ROBO1: variants seen among roughly 807,000 people sequenced by gnomAD.
ROBO1 encodes the protein roundabout homolog 1.
A neutral mutation model predicts 195.9 loss-of-function variants in ROBO1; 149 were observed. The observed-to-expected ratio is 0.76, with a 90% CI of 0.67 to 0.87. The LOEUF is 0.87. Among genes scored for constraint, ROBO1 ranks in the 40% least tolerant of loss-of-function variants. The pLI is 0.00. For synonymous variants in ROBO1, 816 were observed against 733.2 expected (o/e 1.11, Z -1.82); for missense variants, 1,933 against 2,068.3 (o/e 0.93, Z 1.27).
chr3:78,747,811 T>C (rs1001092547), intron 4 of ROBO1, among the ~76,000 whole-genome samples: 4 of 152,152 alleles, frequency 2.6e-5, no homozygotes, highest in African/African-American at 9.7e-5. Flanking sequence ...ATTCCAAAAA[T>C]AGCTCATACA....
At chr3:79,291,784 C>T (rs1226211261) in intron 2 of ROBO1, among the ~76,000 whole-genome samples, 2 of 152,116 alleles carry the variant, frequency 1.3e-5, no homozygotes, top group African/African-American at 2.4e-5. Context: ...TCTAGATTCT[C>T]CATATGATAC....
intron 4 of ROBO1, among the ~76,000 whole-genome samples, chr3:78,826,366 G>A (rs1417749335): frequency 6.6e-6 from 1 of 152,134 alleles, no homozygotes; most frequent in Non-Finnish European, 1.5e-5. Context: ...TTTTAGCTCT[G>A]TAATTTGCTT....
intron 2 of ROBO1, among the ~76,000 whole-genome samples, chr3:79,348,935 A>G (rs2035235802): frequency 6.6e-6 from 1 of 152,212 alleles, no homozygotes; most frequent in African/African-American, 2.4e-5. Flanking sequence ...TAACTAAAAA[A>G]AAATCAATTG....
chr3:79,505,217 T>A (rs112589418), intron 2 of ROBO1, among the ~76,000 whole-genome samples: 80 of 76,336 alleles, frequency 1.0e-3, no homozygotes, highest in Admixed American at 3.3e-3. Context: ...TTCTATATAT[T>A]TTTTTTTTCT....
chr3:79,144,729 A>C (rs2080608617), intron 2 of ROBO1, among the ~76,000 whole-genome samples: 1 of 152,002 alleles, frequency 6.6e-6, no homozygotes, highest in African/African-American at 2.4e-5. Flanking sequence ...TTACAAACAA[A>C]ATGTAGAATC....
chr3:79,733,446 A>G (rs1022479832), intron 1 of ROBO1, among the ~76,000 whole-genome samples: 10 of 151,918 alleles, frequency 6.6e-5, no homozygotes, highest in Non-Finnish European at 1.2e-4. Flanking sequence ...AGCTCCACAA[A>G]CTCACCTCTT....
intron 3 of ROBO1, among the ~76,000 whole-genome samples, chr3:79,104,978 C>T (rs1359473750): frequency 7.9e-5 from 12 of 151,634 alleles, no homozygotes. Flanking sequence ...CATGGAGAAA[C>T]TGACTTACAT....
chr3:79,143,459 C>T (rs2080574584), intron 2 of ROBO1, among the ~76,000 whole-genome samples: 1 of 151,982 alleles, frequency 6.6e-6, no homozygotes, highest in Admixed American at 6.6e-5. Flanking sequence ...AGGGAGTTGA[C>T]TGGTCATTAC....
chr3:79,300,177 C>G (rs2032833400), intron 2 of ROBO1, among the ~76,000 whole-genome samples: 1 of 152,190 alleles, frequency 6.6e-6, no homozygotes, highest in African/African-American at 2.4e-5. Flanking sequence ...CTGGGCTGGC[C>G]AAGGCCGAGC....
chr3:78,742,183 A>C (rs2082548966), intron 5 of ROBO1, among the ~76,000 whole-genome samples: 2 of 152,136 alleles, frequency 1.3e-5, no homozygotes, highest in African/African-American at 2.4e-5. Flanking sequence ...AATTCCTATA[A>C]CCAAAACTGT....
At chr3:78,860,881 G>GGAGT in intron 4 of ROBO1, among the ~76,000 whole-genome samples, 1 of 152,072 alleles carries the variant, frequency 6.6e-6, no homozygotes, top group African/African-American at 2.4e-5. Flanking sequence ...TTTTTCTCAG[G>GGAGT]TATCCCAGAT....
intron 1 of ROBO1, among the ~76,000 whole-genome samples, chr3:79,715,523 G>T (rs1430433434): frequency 6.6e-6 from 1 of 152,042 alleles, no homozygotes; most frequent in East Asian, 1.9e-4. Context: ...TAGAAATAAT[G>T]CTCTTGCACA....
chr3:78,680,920 CT>C, intron 10 of ROBO1, among the ~76,000 whole-genome samples: 1 of 150,312 alleles, frequency 6.7e-6, no homozygotes. Context: ...ATAGCAAAGA[CT>C]TGGAACCAAC....
chr3:78,755,049 G>A (rs903126671), intron 4 of ROBO1, among the ~76,000 whole-genome samples: 1 of 152,128 alleles, frequency 6.6e-6, no homozygotes, highest in Admixed American at 6.5e-5. Context: ...CATGAGCAAG[G>A]GTAAGCTTTT....
chr3:79,760,264 A>AAAAAAAAAAAAAC (rs1704623068), intron 1 of ROBO1, among the ~76,000 whole-genome samples: 1 of 146,390 alleles, frequency 6.8e-6, no homozygotes. Context: ...AAAAAAAAAA[A>AAAAAAAAAAAAAC]AAAAAAAGCA....
intron 15 of ROBO1, among the ~76,000 whole-genome samples, chr3:78,661,474 C>A (rs1184291312): frequency 1.3e-5 from 2 of 152,112 alleles, no homozygotes; most frequent in Non-Finnish European, 2.9e-5. Flanking sequence ...AAAGAATCTT[C>A]AGCTAAAACA....
At chr3:79,576,608 C>T (rs1259459045) in intron 2 of ROBO1, among the ~76,000 whole-genome samples, 1 of 151,982 alleles carries the variant, frequency 6.6e-6, no homozygotes, top group Non-Finnish European at 1.5e-5. Context: ...AGAAGTATGA[C>T]ACTAAAACCA....
At chr3:79,316,057 C>T (rs1287031450) in intron 2 of ROBO1, among the ~76,000 whole-genome samples, 1 of 152,122 alleles carries the variant, frequency 6.6e-6, no homozygotes, top group Admixed American at 6.5e-5. Flanking sequence ...GGATTTTTGA[C>T]CCCACAGTGA....
At chr3:78,881,293 C>G (rs866317542) in intron 4 of ROBO1, among the ~76,000 whole-genome samples, 1 of 152,128 alleles carries the variant, frequency 6.6e-6, no homozygotes, top group Non-Finnish European at 1.5e-5. Context: ...AAGTGTGTTA[C>G]GGAGCCCCTC....
Sources: gnomAD v4.1 joint callset for allele counts (sites outside exome capture counted in the v4.1 genomes callset) on GRCh38, gnomAD v4.1.1 for gene constraint, MANE v1.5 for transcripts, NCBI Gene and HGNC (gene_info 2026-07-23, HGNC 2026-07-21) for gene names.